Variants in LBH observed in about 807,000 individuals in gnomAD.
LBH encodes the protein LBH regulator of Wnt signaling pathway, also known as protein LBH.
Under a neutral mutation model 12.5 loss-of-function variants are expected in LBH, and 7 were observed. That is an observed-to-expected ratio of 0.56 (90% CI 0.32 to 1.05). The LOEUF (loss-of-function observed/expected upper bound fraction) is 1.05. Ranked by LOEUF, LBH falls within the 50% of genes least tolerant of loss-of-function variation. LBH has a pLI of 0.04. For synonymous variants in LBH, 51 were observed against 50.1 expected, an observed-to-expected ratio of 1.02 and a Z score of -0.08; for missense variants, 119 against 138.9, an observed-to-expected ratio of 0.86 and a Z score of 0.72.
chr2:30,253,572 T>A (rs1026044198), intron 2 of LBH, among the ~76,000 whole-genome samples: 8 of 152,140 alleles, frequency 5.3e-5, no homozygotes, highest in African/African-American at 1.9e-4. Flanking sequence ...CTAAGCAGTA[T>A]CAGAAGTTCA....
chr2:30,257,873 CA>C lies in LBH; in HGVS notation c.*253del. ...TCTGAGAAAGGAAGCTGCTTAGAGC[CA>C]GGGGGTTAGTGGGTGAGGGGAGCGA... On this transcript the variant is annotated 3_prime_UTR_variant, in exon 3 of 3. Coordinates refer to ENST00000395323, the MANE Select transcript of LBH (RefSeq NM_030915.4). The C allele has an allele frequency of 2.9e-6, 1 of 342,166 alleles. No individual in the cohort carries two copies. Among genetic ancestry groups the C allele is most frequent in the South Asian group, 3.9e-5 (1 of 25,810 alleles). 21.2% of individuals were successfully genotyped at this position (342,166 alleles called of 1,614,324 possible). A position where few individuals can be genotyped will look rare whatever the true frequency, so the allele number is the denominator to read the frequency against.
rs886300614 is a variant in LBH, at chr2:30,259,712, G to C, written c.*2091G>C. On this transcript the variant is annotated 3_prime_UTR_variant, in exon 3 of 3. Transcript: ENST00000395323. ...CTTTGTATGACCGTTTGCAGTCTGA[G>C]CAGGCCAGGGGCTGACAGCTAATGT... is the stretch of plus-strand genomic sequence containing the variant. 1 of 152,642 alleles carries C rather than the reference G, an allele frequency of 6.6e-6. No individual in the cohort carries two copies. The highest frequency in any genetic ancestry group is 1.5e-5 in the Non-Finnish European group (1 of 68,064). The allele number at this position is 152,642 out of a possible 1,614,324, so 9.5% of individuals were successfully genotyped here.
intron 2 of LBH, among the ~76,000 whole-genome samples, chr2:30,246,819 CCCT>C: frequency 7.2e-6 from 1 of 138,956 alleles, no homozygotes. Flanking sequence ...CTCCCTCCCT[CCCT>C]CCCTCCTTTC....
rs748129418 is a variant in LBH at position 30,234,419 on chromosome 2, G to GATC, written c.42_44dup (p.Ser15dup). The GATC allele has an allele frequency of 6.2e-6, 10 of 1,614,128 alleles. No homozygotes were observed. In the South Asian group the frequency reaches 1.1e-4, roughly 18 times the overall value. ...TTTCTTGGCAGCCCCGACTATCTGA[G>GATC]ATCGGCCAAGATGACTGAGGTGATG... On this transcript the variant is annotated inframe_insertion, in exon 2 of 3. Transcript: ENST00000395323.
At chr2:30,236,441 C>T (rs971261070) in intron 2 of LBH, among the ~76,000 whole-genome samples, 14 of 152,254 alleles carry the variant, frequency 9.2e-5, no homozygotes, top group African/African-American at 3.4e-4. Flanking sequence ...GCCCAGTTCT[C>T]AGAGCCCCCT....
chr2:30,240,472 C>T (rs897769077), intron 2 of LBH, among the ~76,000 whole-genome samples: 7 of 152,138 alleles, frequency 4.6e-5, no homozygotes, highest in Admixed American at 2.0e-4. Context: ...TCACACAGGG[C>T]GTAGACTTGC....
Position 30,258,677 on chromosome 2 carries a change from A to G in LBH, c.*1056A>G, listed in dbSNP as rs1409758403. On this transcript the variant is annotated 3_prime_UTR_variant, in exon 3 of 3. Transcript: ENST00000395323. ...TGCCCAGCTGCAGTACTCACGCCCC[A>G]TGGGGGATCTTGGTCTGTTTTTCTT... is the stretch of plus-strand genomic sequence containing the variant. 6.6e-6 allele frequency: 1 copy of G among 152,312 alleles called. No homozygotes were observed. The highest frequency in any genetic ancestry group is 1.5e-5 in the Non-Finnish European group (1 of 68,172). 9.4% of individuals were successfully genotyped at this position (152,312 alleles called of 1,614,324 possible). A position where few individuals can be genotyped will look rare whatever the true frequency, so the allele number is the denominator to read the frequency against.
chr2:30,258,813 A>G lies in LBH; in HGVS notation c.*1192A>G, dbSNP rs904583029. On this transcript the variant is annotated 3_prime_UTR_variant, in exon 3 of 3. Coordinates refer to ENST00000395323, the MANE Select transcript of LBH (RefSeq NM_030915.4). Reference sequence around the variant, plus strand: ...CAACCTTGGGATCGAGTTTGAGACTAAAGGATGTCATGAGATCCCTGGCTT... The same window carrying G: ...CAACCTTGGGATCGAGTTTGAGACTGAAGGATGTCATGAGATCCCTGGCTT... 4 of 152,154 alleles carry G rather than the reference A, an allele frequency of 2.6e-5. No individual in the cohort carries two copies. The highest frequency in any genetic ancestry group is 9.7e-5 in the African/African-American group (4 of 41,412). 9.4% of individuals were successfully genotyped at this position (152,154 alleles called of 1,614,324 possible).
At chr2:30,255,691 T>TCCTCAGA (rs1678072018) in intron 2 of LBH, among the ~76,000 whole-genome samples, 1 of 152,140 alleles carries the variant, frequency 6.6e-6, no homozygotes, top group Non-Finnish European at 1.5e-5. Context: ...GGGGTTGGGT[T>TCCTCAGA]GCAATAAGAC....
chr2:30,231,558 G>C lies in LBH; in HGVS notation c.-181G>C, dbSNP rs986743167. 12 of 629,494 alleles carry C rather than the reference G, an allele frequency of 1.9e-5. No individual in the cohort carries two copies. The highest frequency in any genetic ancestry group is 3.2e-5 in the Non-Finnish European group (11 of 349,152). 39.0% of individuals were successfully genotyped at this position (629,494 alleles called of 1,614,324 possible). On this transcript the variant is annotated 5_prime_UTR_variant, in exon 1 of 3. Coordinates refer to ENST00000395323, the MANE Select transcript of LBH (RefSeq NM_030915.4). ...GGCTGAGTGCTCAGTGGAGAGCGGG[G>C]AGTTGTGTCCACCTTGCCGACGTCG...
At chr2:30,240,211 G>A (rs1279012424) in intron 2 of LBH, among the ~76,000 whole-genome samples, 5 of 152,182 alleles carry the variant, frequency 3.3e-5, no homozygotes, top group African/African-American at 4.8e-5. Flanking sequence ...TCCCCGTCCT[G>A]CACTGAGAAT....
intron 1 of LBH, chr2:30,232,717 A>G (rs1285216105): frequency 2.0e-5 from 3 of 152,620 alleles, no homozygotes; most frequent in African/African-American, 4.8e-5. Flanking sequence ...TCTCGCTTCA[A>G]CTTTTCGGGC....
In LBH at chr2:30,258,485, C is replaced by T. The variant is rs1208858935; in HGVS notation, c.*864C>T. The T allele has an allele frequency of 1.3e-5, 2 of 152,306 alleles. No individual in the cohort carries two copies. Among genetic ancestry groups the T allele is most frequent in the African/African-American group, 2.4e-5 (1 of 41,456 alleles). 9.4% of individuals were successfully genotyped at this position (152,306 alleles called of 1,614,324 possible). A position where few individuals can be genotyped will look rare whatever the true frequency, so the allele number is the denominator to read the frequency against. On this transcript the variant is annotated 3_prime_UTR_variant, in exon 3 of 3. Transcript: ENST00000395323. ...GAAGCCCCAGGGTGGACACTCAGCA[C>T]GAAGGTCTCTCCCTTAACTGCTGCC...
chr2:30,239,796 G>A (rs1364753061), intron 2 of LBH, among the ~76,000 whole-genome samples: 1 of 152,148 alleles, frequency 6.6e-6, no homozygotes, highest in Non-Finnish European at 1.5e-5. Flanking sequence ...CTGCCTCTAT[G>A]TGAGTCATTG....
At chr2:30,241,560 A>G (rs549869483) in intron 2 of LBH, among the ~76,000 whole-genome samples, 3 of 151,078 alleles carry the variant, frequency 2.0e-5, no homozygotes, top group Admixed American at 6.6e-5. Flanking sequence ...CCCAGGTTCA[A>G]GGGATTCTCC....
rs530478004 is a variant in LBH, at chr2:30,232,294, C to A, written c.26+530C>A. On this transcript the variant is annotated intron_variant, in intron 1 of 2. Transcript: ENST00000395323. ...GTAACCCCACTAAAGCCACAAGCAG[C>A]AGGGCACGCGCTGCAGCCTCTCAAC... 151 of 1,462,296 alleles carry A rather than the reference C, an allele frequency of 1.0e-4. 3 individuals carry two copies. In the South Asian group the frequency reaches 1.8e-3, roughly 18 times the overall value. The allele number at this position is 1,462,296 out of a possible 1,614,324, so 90.6% of individuals were successfully genotyped here. A position where few individuals can be genotyped will look rare whatever the true frequency, so the allele number is the denominator to read the frequency against.
rs894715956 is a variant in LBH at position 30,239,631 on chromosome 2, C to T, written c.129+5124C>T. On this transcript the variant is annotated intron_variant, in intron 2 of 2. Coordinates refer to ENST00000395323, the MANE Select transcript of LBH (RefSeq NM_030915.4). Reference sequence around the variant, plus strand: ...CGGACACATGTTCCTGGGATTGCAACAACTTTCTTTTCTCCTATCCCTACT... The same window carrying T: ...CGGACACATGTTCCTGGGATTGCAATAACTTTCTTTTCTCCTATCCCTACT... 3.3e-5 allele frequency among the ~76,000 whole-genome samples: 5 copies of T among 152,140 alleles called. No individual in the cohort carries two copies. In the South Asian group the frequency reaches 1.0e-3, roughly 32 times the overall value.
At chr2:30,257,306 C>A in intron 2 of LBH, 127 bp from the exon 3 acceptor site, 2 of 987,772 alleles carry the variant, frequency 2.0e-6, no homozygotes, top group Non-Finnish European at 1.5e-6. Context: ...CACAGCCTCC[C>A]GAGTGCAAAG....
intron 2 of LBH, among the ~76,000 whole-genome samples, chr2:30,235,448 C>A (rs2103555678): frequency 6.6e-6 from 1 of 152,246 alleles, no homozygotes; most frequent in African/African-American, 2.4e-5. Flanking sequence ...CCACTGCACG[C>A]CAAGCACTCT....
Sources: gnomAD v4.1 joint callset for allele counts (sites outside exome capture counted in the v4.1 genomes callset) on GRCh38, gnomAD v4.1.1 for gene constraint, MANE v1.5 for transcripts, NCBI Gene and HGNC (gene_info 2026-07-23, HGNC 2026-07-21) for gene names.